CBLN2: variants seen among roughly 807,000 people sequenced by gnomAD.
The protein encoded by CBLN2 is cerebellin-2.
A neutral mutation model predicts 15.0 loss-of-function variants in CBLN2; 7 were observed. The observed-to-expected ratio is 0.47, with a 90% CI of 0.27 to 0.88. CBLN2 has a LOEUF of 0.88. CBLN2 is among the 40% of genes least tolerant of loss of function. CBLN2 has a pLI of 0.14. For synonymous variants in CBLN2, 149 were observed against 135.2 expected (o/e 1.10, Z -0.71); for missense variants, 242 against 304.5 (o/e 0.79, Z 1.53).
intron 1 of CBLN2, among the ~76,000 whole-genome samples, chr18:72,553,663 G>A (rs1598995327): frequency 6.6e-6 from 1 of 152,110 alleles, no homozygotes; most frequent in African/African-American, 2.4e-5. Flanking sequence ...CAGCAAAAGA[G>A]CTAACTCATC....
intron 1 of CBLN2, among the ~76,000 whole-genome samples, chr18:72,630,097 A>G (rs2069765013): frequency 6.6e-6 from 1 of 152,190 alleles, no homozygotes; most frequent in Non-Finnish European, 1.5e-5. Flanking sequence ...TATGAATTCT[A>G]TTACCATGGC....
intron 1 of CBLN2, among the ~76,000 whole-genome samples, chr18:72,596,293 GT>G (rs138283296): frequency 0.06 from 9,050 of 151,886 alleles, 264 homozygotes; most frequent in East Asian, 0.094. Context: ...TAAAAACTCT[GT>G]TTTTTATTAA....
chr18:72,572,710 C>G (rs1269207013), intron 1 of CBLN2, among the ~76,000 whole-genome samples: 2 of 152,082 alleles, frequency 1.3e-5, no homozygotes, highest in Non-Finnish European at 2.9e-5. Context: ...CATGTCATCA[C>G]GTCCAGCTTG....
chr18:72,620,954 G>A (rs2144966624), intron 1 of CBLN2, among the ~76,000 whole-genome samples: 1 of 152,314 alleles, frequency 6.6e-6, no homozygotes, highest in South Asian at 2.1e-4. Flanking sequence ...ACTGATAAGT[G>A]CATAGGAAGT....
At chr18:72,607,952 T>C (rs917689923) in intron 1 of CBLN2, among the ~76,000 whole-genome samples, 2 of 152,170 alleles carry the variant, frequency 1.3e-5, no homozygotes, top group African/African-American at 2.4e-5. Context: ...CAAAGAGAAT[T>C]GTATTTAGTA....
intron 3 of CBLN2, 35 bp downstream of exon 3, chr18:72,541,769 G>A: frequency 2.7e-6 from 4 of 1,494,482 alleles, no homozygotes; most frequent in East Asian, 2.5e-5. Flanking sequence ...CCCTCTCCCC[G>A]GGCTGGGGGC....
chr18:72,549,785 A>C (rs2069180479), intron 1 of CBLN2, among the ~76,000 whole-genome samples: 1 of 152,058 alleles, frequency 6.6e-6, no homozygotes, highest in African/African-American at 2.4e-5. Flanking sequence ...AGGGGATTTT[A>C]TCATCCTGTA....
At chr18:72,573,752 A>C (rs945828250) in intron 1 of CBLN2, among the ~76,000 whole-genome samples, 3 of 152,238 alleles carry the variant, frequency 2.0e-5, no homozygotes, top group Non-Finnish European at 4.4e-5. Context: ...TGCTATAAGC[A>C]TCTATGTGAA....
intron 1 of CBLN2, among the ~76,000 whole-genome samples, chr18:72,569,477 T>G (rs2069316540): frequency 3.3e-5 from 5 of 152,226 alleles, no homozygotes; most frequent in Admixed American, 3.3e-4. Context: ...AACAATTATC[T>G]TATTCTGTGT....
intron 1 of CBLN2, among the ~76,000 whole-genome samples, chr18:72,612,658 G>A (rs1306984499): frequency 6.6e-6 from 1 of 152,120 alleles, no homozygotes; most frequent in African/African-American, 2.4e-5. Flanking sequence ...ATTGCTTTAA[G>A]GTTTAGCTTA....
At chr18:72,577,731 C>T (rs12954526) in intron 1 of CBLN2, among the ~76,000 whole-genome samples, 81,293 of 152,162 alleles carry the variant, frequency 0.53, 26,310 homozygotes, top group Non-Finnish European at 0.73. Context: ...ATAACACAGA[C>T]GGATCCATCA....
chr18:72,629,251 A>G (rs2069759915), intron 1 of CBLN2, among the ~76,000 whole-genome samples: 1 of 152,218 alleles, frequency 6.6e-6, no homozygotes, highest in South Asian at 2.1e-4. Flanking sequence ...ACAACATAGC[A>G]GAATTTGAAG....
chr18:72,631,831 G>C (rs1368061427), intron 1 of CBLN2, among the ~76,000 whole-genome samples: 1 of 152,074 alleles, frequency 6.6e-6, no homozygotes, highest in Non-Finnish European at 1.5e-5. Context: ...TTCAAATTTA[G>C]GCACTACACA....
chr18:72,599,689 G>C (rs2069535611), intron 1 of CBLN2, among the ~76,000 whole-genome samples: 1 of 152,124 alleles, frequency 6.6e-6, no homozygotes, highest in African/African-American at 2.4e-5. Flanking sequence ...AACAGCATAA[G>C]ATACTGGAAA....
At chr18:72,588,675 G>A (rs1376859875) in intron 1 of CBLN2, among the ~76,000 whole-genome samples, 1 of 152,166 alleles carries the variant, frequency 6.6e-6, no homozygotes, top group Non-Finnish European at 1.5e-5. Context: ...GGATGGGAAA[G>A]GAAAGCTCCT....
chr18:72,586,266 T>C (rs530860327), intron 1 of CBLN2, among the ~76,000 whole-genome samples: 2 of 152,348 alleles, frequency 1.3e-5, no homozygotes, highest in East Asian at 3.9e-4. Flanking sequence ...CTCTCCCTTT[T>C]CCTTTTCACA....
chr18:72,542,238 G>C lies in CBLN2; in HGVS notation c.-78C>G. 1 of 994,862 alleles carries C rather than the reference G, an allele frequency of 1.0e-6. No individual in the cohort carries two copies. The highest frequency in any genetic ancestry group is 1.3e-6 in the Non-Finnish European group (1 of 793,716). The allele number at this position is 994,862 out of a possible 1,614,324, so 61.6% of individuals were successfully genotyped here. On this transcript the variant is annotated 5_prime_UTR_variant, in exon 3 of 5. Coordinates refer to ENST00000269503, the MANE Select transcript of CBLN2 (RefSeq NM_182511.4). ...GGCGCGGAAGGGCGCGAAGGAACGCGCGGAGCTCGCAGCAGCCTCCGGGGG... is the reference window on the plus strand; with the variant it reads ...GGCGCGGAAGGGCGCGAAGGAACGCCCGGAGCTCGCAGCAGCCTCCGGGGG...
intron 1 of CBLN2, among the ~76,000 whole-genome samples, chr18:72,624,050 T>C (rs538524543): frequency 6.6e-6 from 1 of 152,266 alleles, no homozygotes; most frequent in African/African-American, 2.4e-5. Context: ...CAGTGATTAT[T>C]TCTTAAACTC....
intron 1 of CBLN2, among the ~76,000 whole-genome samples, chr18:72,626,943 C>A (rs1187827071): frequency 1.3e-5 from 2 of 152,194 alleles, no homozygotes; most frequent in African/African-American, 4.8e-5. Context: ...TGCAGGTTTG[C>A]TTGCCCGTGT....
Sources: gnomAD v4.1 joint callset for allele counts (sites outside exome capture counted in the v4.1 genomes callset) on GRCh38, gnomAD v4.1.1 for gene constraint, MANE v1.5 for transcripts, NCBI Gene and HGNC (gene_info 2026-07-23, HGNC 2026-07-21) for gene names.